The following SLC35F4 variants were observed in gnomAD, a reference collection of about 807,000 sequenced individuals.
SLC35F4 encodes chromosome 14 open reading frame 36.
In SLC35F4, 24 loss-of-function variants were observed where a neutral mutation model predicts 44.2. That is an observed-to-expected ratio of 0.54 (90% CI 0.39 to 0.76). SLC35F4 has a LOEUF of 0.76. SLC35F4 is among the 30% of genes least tolerant of loss of function. SLC35F4 has a pLI of 0.00. For missense variants in SLC35F4, 562 were observed against 586.1 expected, an observed-to-expected ratio of 0.96 and a Z score of 0.42; for synonymous variants, 238 against 223.6, an observed-to-expected ratio of 1.06 and a Z score of -0.57.
chr14:57,783,494 T>C (rs894399181), intron 1 of SLC35F4, among the ~76,000 whole-genome samples: 1 of 152,198 alleles, frequency 6.6e-6, no homozygotes, highest in African/African-American at 2.4e-5. Flanking sequence ...TACTGTTTTG[T>C]GCAAATGTAG....
chr14:57,803,090 A>G (rs2078230218), intron 1 of SLC35F4, among the ~76,000 whole-genome samples: 1 of 152,160 alleles, frequency 6.6e-6, no homozygotes, highest in African/African-American at 2.4e-5. Flanking sequence ...GCAGCACATC[A>G]AAAAGCTTAT....
Position 57,910,235 on chromosome 14 carries a change from C to T in SLC35F4, n.282+71678G>A, listed in dbSNP as rs149578115. Among the ~76,000 whole-genome samples, 22 of 152,066 alleles carry T rather than the reference C, an allele frequency of 1.4e-4. No individual in the cohort carries two copies. The East Asian group carries it at 4.2e-3, about 29-fold the overall frequency. On this transcript the variant is annotated intron_variant and non_coding_transcript_variant, in intron 1 of 1. Transcript: ENST00000556568. ...GGATGTGTCTTTTGCAATATTTTCT[C>T]TTAGAATTTGGCTTGTCTTCTCATT...
At chr14:57,887,998 G>C (rs1047503098) in intron 1 of SLC35F4, among the ~76,000 whole-genome samples, 1 of 152,092 alleles carries the variant, frequency 6.6e-6, no homozygotes, top group African/African-American at 2.4e-5. Context: ...AGATTTATTG[G>C]ACCCAGGAGA....
intron 1 of SLC35F4, among the ~76,000 whole-genome samples, chr14:57,760,140 C>A (rs987503687): frequency 6.6e-6 from 1 of 151,924 alleles, no homozygotes; most frequent in Non-Finnish European, 1.5e-5. Flanking sequence ...CAGTTGTTAT[C>A]GTCTAGGAGT....
At chr14:57,612,385 TTCTCCCCACCC>T (rs2071565735) in intron 1 of SLC35F4, among the ~76,000 whole-genome samples, 1 of 152,200 alleles carries the variant, frequency 6.6e-6, no homozygotes, top group Admixed American at 6.5e-5. Flanking sequence ...TGATGACCGC[TTCTCCCCACCC>T]AGCAGTTGGG....
At chr14:57,771,213 G>T (rs1381345943) in intron 1 of SLC35F4, among the ~76,000 whole-genome samples, 1 of 152,040 alleles carries the variant, frequency 6.6e-6, no homozygotes, top group Non-Finnish European at 1.5e-5. Flanking sequence ...CTTATTAATT[G>T]TACACTTACC....
Position 57,607,735 on chromosome 14 carries a change from A to G in SLC35F4, c.104-13611T>C, listed in dbSNP as rs191043152. On this transcript the variant is annotated intron_variant, in intron 1 of 7. Transcript: ENST00000556826. Reference sequence around the variant, plus strand: ...TAACGTGGAGAACGGACTGAGAGGAAGTAAAACTTGAGGTAGAATGACTTG... The same window carrying G: ...TAACGTGGAGAACGGACTGAGAGGAGGTAAAACTTGAGGTAGAATGACTTG... Among the ~76,000 whole-genome samples, 6 of 152,350 alleles carry G rather than the reference A, an allele frequency of 3.9e-5. No homozygotes were observed. In the East Asian group the frequency reaches 1.2e-3, roughly 29 times the overall value.
At chr14:57,626,874 A>AGC (rs2072503277) in intron 1 of SLC35F4, among the ~76,000 whole-genome samples, 1 of 129,754 alleles carries the variant, frequency 7.7e-6, no homozygotes, top group Non-Finnish European at 1.7e-5. Context: ...TGACTGATAG[A>AGC]GTGGTATTTC....
intron 1 of SLC35F4, among the ~76,000 whole-genome samples, chr14:57,594,853 A>G (rs1371331211): frequency 6.6e-6 from 1 of 152,210 alleles, no homozygotes; most frequent in Non-Finnish European, 1.5e-5. Context: ...ATCATCCACC[A>G]GCCAACACCC....
intron 1 of SLC35F4, among the ~76,000 whole-genome samples, chr14:57,827,955 G>T (rs1013127038): frequency 6.6e-6 from 1 of 152,134 alleles, no homozygotes; most frequent in Non-Finnish European, 1.5e-5. Context: ...CATTTGTTTT[G>T]GTCATGAAGG....
At chr14:57,835,625 A>T (rs1302407537) in intron 1 of SLC35F4, among the ~76,000 whole-genome samples, 1 of 152,206 alleles carries the variant, frequency 6.6e-6, no homozygotes, top group Non-Finnish European at 1.5e-5. Flanking sequence ...CTGAGGACTC[A>T]AGAGTTGGCT....
chr14:57,729,568 G>C (rs1479507261), intron 1 of SLC35F4, among the ~76,000 whole-genome samples: 1 of 152,060 alleles, frequency 6.6e-6, no homozygotes, highest in Non-Finnish European at 1.5e-5. Flanking sequence ...TCATGACTCT[G>C]CTCAGTGCCT....
At chr14:57,879,939 G>A (rs531499641) in intron 1 of SLC35F4, among the ~76,000 whole-genome samples, 5 of 151,570 alleles carry the variant, frequency 3.3e-5, no homozygotes, top group South Asian at 4.2e-4. Flanking sequence ...AAGGAGTGAG[G>A]TGGGGAGGGA....
At chr14:57,758,042 T>TGTGTGTGTG (rs57803929) in intron 1 of SLC35F4, among the ~76,000 whole-genome samples, 1 of 150,674 alleles carries the variant, frequency 6.6e-6, no homozygotes, top group Non-Finnish European at 1.5e-5. Context: ...TGTGTGTGTG[T>TGTGTGTGTG]TATTTTAATA....
chr14:57,621,095 G>A (rs1274692426), intron 1 of SLC35F4, among the ~76,000 whole-genome samples: 1 of 151,442 alleles, frequency 6.6e-6, no homozygotes, highest in Non-Finnish European at 1.5e-5. Flanking sequence ...AAATACCTAG[G>A]AATCCACCTT....
intron 1 of SLC35F4, among the ~76,000 whole-genome samples, chr14:57,735,286 G>A (rs2076435429): frequency 6.6e-6 from 1 of 152,172 alleles, no homozygotes; most frequent in African/African-American, 2.4e-5. Flanking sequence ...GTTATTTCTT[G>A]AGGGCATTTC....
At chr14:57,614,848 G>T (rs1183310561) in intron 1 of SLC35F4, among the ~76,000 whole-genome samples, 1 of 152,148 alleles carries the variant, frequency 6.6e-6, no homozygotes, top group East Asian at 1.9e-4. Flanking sequence ...GCATATGAGG[G>T]GTTTGTAAGA....
At chr14:57,625,873 G>A (rs532429951) in intron 1 of SLC35F4, among the ~76,000 whole-genome samples, 147 of 152,162 alleles carry the variant, frequency 9.7e-4, no homozygotes, top group African/African-American at 3.3e-3. Context: ...ACACACACAC[G>A]TATGTTTATT....
intron 1 of SLC35F4, among the ~76,000 whole-genome samples, chr14:57,897,039 G>A (rs808238): frequency 0.8 from 121,387 of 152,096 alleles, 49,248 homozygotes; most frequent in East Asian, 0.99. Flanking sequence ...ATCCCCTACT[G>A]TGAGTTAAAT....
Sources: gnomAD v4.1 joint callset for allele counts (sites outside exome capture counted in the v4.1 genomes callset) on GRCh38, gnomAD v4.1.1 for gene constraint, MANE v1.5 for transcripts, NCBI Gene and HGNC (gene_info 2026-07-23, HGNC 2026-07-21) for gene names.